The following DHRS7B variants were observed in gnomAD, a reference collection of about 807,000 sequenced individuals.
DHRS7B encodes peroxisomal reductase activating PPAR-gamma.
Under a neutral mutation model 26.4 loss-of-function variants are expected in DHRS7B, and 24 were observed. That is an observed-to-expected ratio of 0.91 (90% CI 0.66 to 1.28). DHRS7B has a LOEUF of 1.28. Ranked by LOEUF, DHRS7B falls within the 50% of genes most tolerant of loss-of-function variation. The pLI is 0.00. For synonymous variants in DHRS7B, 142 were observed against 166.4 expected (o/e 0.85, Z 1.13); for missense variants, 368 against 419.4 (o/e 0.88, Z 1.07).
At chr17:21,178,632 G>A (rs1361479250) in intron 3 of DHRS7B, among the ~76,000 whole-genome samples, 1 of 151,722 alleles carries the variant, frequency 6.6e-6, no homozygotes, top group South Asian at 2.1e-4. Flanking sequence ...GGTGGGAGTG[G>A]GGGATGGTGA....
At chr17:21,184,304 T>G in intron 4 of DHRS7B, 67 bp from the exon 5 acceptor site, 3 of 1,428,322 alleles carry the variant, frequency 2.1e-6, no homozygotes, top group Non-Finnish European at 2.9e-6. Context: ...CAAGGTCGCC[T>G]TCCATCAGCA....
At chr17:21,178,464 A>G (rs1366514823) in intron 3 of DHRS7B, 122 bp downstream of exon 3, 2 of 782,606 alleles carry the variant, frequency 2.6e-6, no homozygotes, top group Non-Finnish European at 4.1e-6. Context: ...ACACTGTCCC[A>G]GGGAAGGCAG....
In DHRS7B at chr17:21,183,826, A is replaced by G. The variant is rs893471533; in HGVS notation, c.526+16A>G. The G allele has an allele frequency of 6.8e-6, 11 of 1,606,440 alleles. No individual in the cohort carries two copies. The highest frequency in any genetic ancestry group is 8.5e-6 in the Non-Finnish European group (10 of 1,173,182). On this transcript the variant is annotated intron_variant, in intron 4 of 6. Transcript: ENST00000395511. ...CTAACGAAAGGTAACAGTCTTGAGA[A>G]AAGAGCAGTGATAAGTGATATGTTG...
At chr17:21,172,795 T>C (rs548764497) in intron 2 of DHRS7B, among the ~76,000 whole-genome samples, 1 of 152,308 alleles carries the variant, frequency 6.6e-6, no homozygotes, top group South Asian at 2.1e-4. Flanking sequence ...GTGAACACCA[T>C]GAGCTTCTAA....
intron 1 of DHRS7B, among the ~76,000 whole-genome samples, chr17:21,158,836 A>G (rs1257548350): frequency 1.3e-5 from 2 of 152,178 alleles, no homozygotes; most frequent in Admixed American, 6.6e-5. Context: ...TGGTGAAACA[A>G]CAAGTAGATC....
chr17:21,174,230 G>A (rs146532693), intron 2 of DHRS7B, among the ~76,000 whole-genome samples: 6 of 152,306 alleles, frequency 3.9e-5, no homozygotes, highest in Non-Finnish European at 5.9e-5. Flanking sequence ...TCAGCCACCC[G>A]GAAGGTTTGG....
In DHRS7B at chr17:21,158,991, C is replaced by T. The variant is rs573189611; in HGVS notation, c.21-13027C>T. Among the ~76,000 whole-genome samples, 5 of 150,698 alleles carry T rather than the reference C, an allele frequency of 3.3e-5. No homozygotes were observed. In the East Asian group the frequency reaches 5.8e-4, roughly 18 times the overall value. ...AAAAAAAATCTAAACACAGACTTCACAACTTTCTCAAAAGTTAACTCAAAA... is the reference window on the plus strand; with the variant it reads ...AAAAAAAATCTAAACACAGACTTCATAACTTTCTCAAAAGTTAACTCAAAA... On this transcript the variant is annotated intron_variant, in intron 1 of 6. Transcript: ENST00000395511.
At chr17:21,164,430 C>G (rs1419231403) in intron 1 of DHRS7B, among the ~76,000 whole-genome samples, 1 of 152,210 alleles carries the variant, frequency 6.6e-6, no homozygotes, top group Non-Finnish European at 1.5e-5. Context: ...TTCCTGAACT[C>G]CTAGATTTCT....
rs567366615 is a variant in DHRS7B, at chr17:21,172,281, C to T, written c.199+85C>T. The T allele has an allele frequency of 1.2e-4, 171 of 1,482,162 alleles. No individual in the cohort carries two copies. The African/African-American group carries it at 1.8e-3, about 16-fold the overall frequency. The allele number at this position is 1,482,162 out of a possible 1,614,324, so 91.8% of individuals were successfully genotyped here. On this transcript the variant is annotated intron_variant, in intron 2 of 6. Coordinates refer to ENST00000395511, the MANE Select transcript of DHRS7B (RefSeq NM_015510.5). ...GGCCCAGCTGCACAGGGACCACCAGCGCAAATGCCCGAAGCGGCAGCAGAA... is the reference window on the plus strand; with the variant it reads ...GGCCCAGCTGCACAGGGACCACCAGTGCAAATGCCCGAAGCGGCAGCAGAA...
At chr17:21,168,139 G>T (rs891703734) in intron 1 of DHRS7B, among the ~76,000 whole-genome samples, 1 of 152,196 alleles carries the variant, frequency 6.6e-6, no homozygotes, top group South Asian at 2.1e-4. Flanking sequence ...AAGAACCCAA[G>T]AAGGCCCAGC....
chr17:21,166,214 T>C (rs904124195), intron 1 of DHRS7B: 1 of 985,480 alleles, frequency 1.0e-6, no homozygotes, highest in Non-Finnish European at 1.2e-6. Context: ...CTTCCCAGGA[T>C]TGAACACTCA....
At chr17:21,160,575 A>G (rs1973979822) in intron 1 of DHRS7B, among the ~76,000 whole-genome samples, 1 of 152,210 alleles carries the variant, frequency 6.6e-6, no homozygotes, top group South Asian at 2.1e-4. Context: ...ACATCACCAA[A>G]TGCTAGCAAG....
intron 1 of DHRS7B, among the ~76,000 whole-genome samples, chr17:21,157,134 T>C (rs1416854153): frequency 6.6e-6 from 1 of 152,084 alleles, no homozygotes; most frequent in Non-Finnish European, 1.5e-5. Flanking sequence ...TTCTACCAAA[T>C]AATTAAGAAA....
At chr17:21,134,419 T>G (rs1006913202) in intron 1 of DHRS7B, among the ~76,000 whole-genome samples, 8 of 152,244 alleles carry the variant, frequency 5.3e-5, no homozygotes, top group African/African-American at 1.9e-4. Flanking sequence ...TTTCCTCACC[T>G]CTTTAGGTTC....
At chr17:21,134,539 C>T (rs1169294253) in intron 1 of DHRS7B, among the ~76,000 whole-genome samples, 1 of 152,116 alleles carries the variant, frequency 6.6e-6, no homozygotes, top group Non-Finnish European at 1.5e-5. Context: ...GCCAGATTTT[C>T]CAGGGGCTTT....
intron 2 of DHRS7B, among the ~76,000 whole-genome samples, chr17:21,175,215 C>G (rs1285989329): frequency 6.6e-6 from 1 of 152,216 alleles, no homozygotes; most frequent in East Asian, 1.9e-4. Context: ...GGAGCCTTCC[C>G]TCAGACCTCT....
intron 3 of DHRS7B, among the ~76,000 whole-genome samples, chr17:21,180,195 C>T (rs1974486397): frequency 6.6e-6 from 1 of 151,912 alleles, no homozygotes; most frequent in South Asian, 2.1e-4. Flanking sequence ...CTGCCTCAGC[C>T]TCCCAAATAT....
At position 21,172,182 on chromosome 17, in the gene DHRS7B, CAG is replaced by C. The variant is rs754266497; in HGVS notation, c.186_187del (p.Gly63AlafsTer15). ...GTGGTGGTGATCACAGGCGCCACCT[CAG>C]GGCTGGGCAAAGGTGGGTCCTGGAG... On this transcript the variant is annotated frameshift_variant, in exon 2 of 7. Coordinates refer to ENST00000395511, the MANE Select transcript of DHRS7B (RefSeq NM_015510.5). LOFTEE classifies it high-confidence loss of function. 25 of 1,612,092 alleles carry C rather than the reference CAG, an allele frequency of 1.6e-5. No homozygotes were observed. Among genetic ancestry groups the C allele is most frequent in the Non-Finnish European group, 1.7e-5 (20 of 1,179,244 alleles).
chr17:21,137,985 G>A lies in DHRS7B; in HGVS notation c.20+10994G>A, dbSNP rs189562549. ...CCGACCTCGTGATCTGCTTGCCTCA[G>A]CCTCCCATAGTTCTGGGATTACATA... On this transcript the variant is annotated intron_variant, in intron 1 of 6. Coordinates refer to ENST00000395511, the MANE Select transcript of DHRS7B (RefSeq NM_015510.5). Among the ~76,000 whole-genome samples the A allele has an allele frequency of 2.5e-4, 38 of 149,778 alleles. 1 individual carries two copies. The East Asian group carries it at 6.5e-3, about 26-fold the overall frequency.
Sources: allele counts gnomAD v4.1 joint callset (sites outside exome capture counted in the v4.1 genomes callset), GRCh38; gene constraint gnomAD v4.1.1; transcripts MANE v1.5; gene names NCBI Gene and HGNC (gene_info 2026-07-23, HGNC 2026-07-21).